Variants in PHF21A observed in about 807,000 individuals in gnomAD.
The protein encoded by PHF21A is PHD finger protein 21A, also known as BHC80a.
PHF21A carries 11 observed loss-of-function variants against 82.5 expected under a neutral mutation model. That is an observed-to-expected ratio of 0.13 (90% confidence interval 0.08 to 0.22). The LOEUF (loss-of-function observed/expected upper bound fraction) is 0.22. Among genes scored for constraint, PHF21A ranks in the 10% least tolerant of loss-of-function variants. The probability of loss-of-function intolerance (pLI) is 1.00; values close to 1 mark genes in which losing one functional copy is unlikely to be tolerated. For synonymous variants in PHF21A, 297 were observed against 302.8 expected, an observed-to-expected ratio of 0.98 and a Z score of 0.20; for missense variants, 579 against 837.8, an observed-to-expected ratio of 0.69 and a Z score of 3.81.
At chr11:46,080,661 T>G (rs1398761044) in intron 4 of PHF21A, among the ~76,000 whole-genome samples, 1 of 152,066 alleles carries the variant, frequency 6.6e-6, no homozygotes, top group African/African-American at 2.4e-5. Context: ...TTTGCTACTA[T>G]TCTTTTTTTG....
intron 6 of PHF21A, among the ~76,000 whole-genome samples, chr11:46,022,923 G>A (rs2095659974): frequency 6.6e-6 from 1 of 151,990 alleles, no homozygotes; most frequent in South Asian, 2.1e-4. Context: ...GGTAATTTTT[G>A]TATTTTTAGT....
Position 45,929,823 on chromosome 11 carries a change from T to G in PHF21A, c.*4145A>C, listed in dbSNP as rs991113565. 1 of 152,202 alleles carries G rather than the reference T, an allele frequency of 6.6e-6. No individual in the cohort carries two copies. The highest frequency in any genetic ancestry group is 2.4e-5 in the African/African-American group (1 of 41,434). The allele number at this position is 152,202 out of a possible 1,614,324, so 9.4% of individuals were successfully genotyped here. On this transcript the variant is annotated 3_prime_UTR_variant, in exon 19 of 19. Coordinates refer to ENST00000676320, the MANE Select transcript of PHF21A (RefSeq NM_001352027.3). ...TCACTTTAGCAAGGGGCCAGAAGAC[T>G]GCCCAGGGCTGCCCACTCCTGTCTT...
At chr11:45,968,651 G>A (rs916863798) in intron 9 of PHF21A, among the ~76,000 whole-genome samples, 4 of 152,060 alleles carry the variant, frequency 2.6e-5, no homozygotes, top group African/African-American at 4.8e-5. Flanking sequence ...CAGGCAGGCC[G>A]GGCGCGGTGG....
chr11:45,962,134 G>A (rs1210815520), intron 10 of PHF21A, among the ~76,000 whole-genome samples: 2 of 152,192 alleles, frequency 1.3e-5, no homozygotes, highest in Non-Finnish European at 2.9e-5. Context: ...AGTTCCGTGA[G>A]GGTACGGGCT....
chr11:45,967,646 C>A (rs2093523402), intron 9 of PHF21A, among the ~76,000 whole-genome samples: 1 of 152,200 alleles, frequency 6.6e-6, no homozygotes, highest in South Asian at 2.1e-4. Context: ...TGTATGGACT[C>A]ATTGAAGACA....
At chr11:46,071,338 G>A (rs1285663149) in intron 6 of PHF21A, among the ~76,000 whole-genome samples, 1 of 152,200 alleles carries the variant, frequency 6.6e-6, no homozygotes, top group Non-Finnish European at 1.5e-5. Flanking sequence ...CCTGCAGCCT[G>A]AAAGGCAAGT....
intron 6 of PHF21A, among the ~76,000 whole-genome samples, chr11:45,988,295 A>G (rs891375980): frequency 2.0e-5 from 3 of 152,242 alleles, no homozygotes; most frequent in Admixed American, 2.0e-4. Context: ...AAAGATGAGG[A>G]TACCTTTTAA....
chr11:45,939,771 CAAAA>C lies in PHF21A; in HGVS notation c.1453-1463_1453-1460del, dbSNP rs56931455. 1.7e-4 allele frequency among the ~76,000 whole-genome samples: 10 copies of C among 60,382 alleles called. No homozygotes were observed. The South Asian group carries it at 2.0e-3, about 12-fold the overall frequency. 39.6% of individuals were successfully genotyped at this position (60,382 alleles called of 152,430 possible). A position where few individuals can be genotyped will look rare whatever the true frequency, so the allele number is the denominator to read the frequency against. On this transcript the variant is annotated intron_variant, in intron 15 of 18. Transcript: ENST00000676320. ...AAAATTGGAAGAGGAGAACATAGCC[CAAAA>C]AAAAAAAAAAAAAAAAAAAAGAGCT...
At chr11:46,047,676 G>T (rs569329475) in intron 6 of PHF21A, among the ~76,000 whole-genome samples, 1 of 152,312 alleles carries the variant, frequency 6.6e-6, no homozygotes, top group South Asian at 2.1e-4. Flanking sequence ...AGAAGGCAGT[G>T]ACTAACAACC....
intron 6 of PHF21A, among the ~76,000 whole-genome samples, chr11:46,011,789 C>A (rs2095418672): frequency 6.6e-6 from 1 of 152,206 alleles, no homozygotes; most frequent in African/African-American, 2.4e-5. Context: ...TTTTTATTTA[C>A]TGCTTGATTG....
In PHF21A at chr11:45,929,656, A is replaced by AG. The variant is rs972877077; in HGVS notation, c.*4311dup. ...GTCCAAAGGCTGCTGGGGAAGGGGTAGGGGGGTGGGGTCCTCAGGGAGGAA... is the reference window on the plus strand; with the variant it reads ...GTCCAAAGGCTGCTGGGGAAGGGGTAGGGGGGGTGGGGTCCTCAGGGAGGAA... On this transcript the variant is annotated 3_prime_UTR_variant, in exon 19 of 19. Transcript: ENST00000676320. 3 of 148,514 alleles carry AG rather than the reference A, an allele frequency of 2.0e-5. No individual in the cohort carries two copies. The highest frequency in any genetic ancestry group is 6.7e-5 in the Admixed American group (1 of 15,030). 9.2% of individuals were successfully genotyped at this position (148,514 alleles called of 1,614,324 possible). A position where few individuals can be genotyped will look rare whatever the true frequency, so the allele number is the denominator to read the frequency against.
chr11:46,033,135 T>G lies in PHF21A; in HGVS notation c.153+43619A>C, dbSNP rs184018751. On this transcript the variant is annotated intron_variant, in intron 6 of 18. Coordinates refer to ENST00000676320, the MANE Select transcript of PHF21A (RefSeq NM_001352027.3). ...TTCCCAAGTCTCATGAAATTCTCCA[T>G]GTTGATACATATACCTGCAGTTCAT... Among the ~76,000 whole-genome samples the G allele has an allele frequency of 8.3e-4, 127 of 152,354 alleles. 1 individual carries two copies. The highest frequency in any genetic ancestry group is 3.0e-3 in the African/African-American group (123 of 41,598).
In PHF21A at chr11:45,979,836, A is replaced by T; in HGVS notation, c.284T>A (p.Leu95Gln). Residue 95 changes from leucine (L) to glutamine (Q), a missense_variant, in exon 7 of 19, where the codon CTA becomes CAA. Transcript: ENST00000676320. ...QTAQQQPLQQ[L>Q]QQQQQYHHHH... ...GTGGTGGTACTGCTGCTGTTGTTGTAGTTGCTGTAGTGGTTGCTGCTGTGC... is the reference window on the plus strand; with the variant it reads ...GTGGTGGTACTGCTGCTGTTGTTGTTGTTGCTGTAGTGGTTGCTGCTGTGC... 6.2e-7 allele frequency: 1 copy of T among 1,614,068 alleles called. No individual in the cohort carries two copies. Among genetic ancestry groups the T allele is most frequent in the South Asian group, 1.1e-5 (1 of 91,080 alleles).
intron 7 of PHF21A, among the ~76,000 whole-genome samples, chr11:45,974,644 G>A (rs2093940953): frequency 1.3e-5 from 2 of 151,722 alleles, no homozygotes; most frequent in Non-Finnish European, 1.5e-5. Context: ...TAGTAGAGAC[G>A]TGATCTCGCT....
chr11:46,108,786 T>A (rs2097180061), intron 1 of PHF21A, among the ~76,000 whole-genome samples: 1 of 152,168 alleles, frequency 6.6e-6, no homozygotes, highest in Non-Finnish European at 1.5e-5. Flanking sequence ...AAATAGTGAA[T>A]GTAAACCATT....
chr11:45,967,867 A>G (rs1277287670), intron 9 of PHF21A, among the ~76,000 whole-genome samples: 3 of 152,240 alleles, frequency 2.0e-5, no homozygotes, highest in African/African-American at 7.2e-5. Context: ...TCTCTAAAAC[A>G]AAAACTTTCT....
chr11:46,063,989 C>A (rs759369474), intron 6 of PHF21A, among the ~76,000 whole-genome samples: 39 of 152,172 alleles, frequency 2.6e-4, no homozygotes, highest in Non-Finnish European at 1.0e-4. Context: ...AAATCACATA[C>A]TCAGAAAAAC....
chr11:46,030,276 A>T (rs1293628379), intron 6 of PHF21A, among the ~76,000 whole-genome samples: 1 of 152,224 alleles, frequency 6.6e-6, no homozygotes, highest in Non-Finnish European at 1.5e-5. Flanking sequence ...GGGTGTCAAG[A>T]CAATATAAAA....
At position 45,965,332 on chromosome 11, in the gene PHF21A, G is replaced by A. The variant is rs1305559694; in HGVS notation, c.979C>T (p.Pro327Ser). The A allele has an allele frequency of 2.5e-6, 4 of 1,613,530 alleles. No homozygotes were observed. The part of the protein sequence containing the change: ...AGPQTVQLSK[P>S]SLEKQTVKSH... ...GCCTGTACCTGTTTTTCAAGACTTG[G>A]CTTGCTAAGCTGTACAGTTTGAGGT... Residue 327 changes from proline to serine, a missense_variant, in exon 10 of 19, where the codon CCA becomes TCA. Physicochemically the swap from Pro to Ser is moderately conservative, Grantham distance 74. Transcript: ENST00000676320.
Sources: gnomAD v4.1 joint callset for allele counts (sites outside exome capture counted in the v4.1 genomes callset) on GRCh38, gnomAD v4.1.1 for gene constraint, MANE v1.5 for transcripts, NCBI Gene and HGNC (gene_info 2026-07-23, HGNC 2026-07-21) for gene names.